DOCK2: variants seen among roughly 807,000 people sequenced by gnomAD.
DOCK2 encodes dedicator of cytokinesis protein 2.
Under a neutral mutation model 248.9 loss-of-function variants are expected in DOCK2, and 87 were observed. The observed-to-expected ratio is 0.35, with a 90% CI of 0.29 to 0.42. The LOEUF (loss-of-function observed/expected upper bound fraction) is 0.42. DOCK2 is among the 10% of genes least tolerant of loss of function. The probability of loss-of-function intolerance (pLI) is 1.00; values close to 1 mark genes in which losing one functional copy is unlikely to be tolerated. For synonymous variants in DOCK2, 805 were observed against 821.6 expected (o/e 0.98, Z 0.35); for missense variants, 1,747 against 2,300.2 (o/e 0.76, Z 4.92).
intron 27 of DOCK2, chr5:169,934,800 T>TA (rs1775913219): frequency 4.5e-6 from 2 of 444,876 alleles, no homozygotes; most frequent in Non-Finnish European, 9.1e-6. Flanking sequence ...GTTTCATTAT[T>TA]ATCTGTATGA....
chr5:170,013,258 G>A lies in DOCK2; in HGVS notation c.3232+4512G>A, dbSNP rs796331620. On this transcript the variant is annotated intron_variant, in intron 32 of 51. Coordinates refer to ENST00000520908, the MANE Select transcript of DOCK2 (RefSeq NM_004946.3). ...GGAAATGGGATTAGTGTGGCCATCC[G>A]TCCATTCATTTACTCATTCGTTTAC... is the stretch of plus-strand genomic sequence containing the variant. Among the ~76,000 whole-genome samples the A allele has an allele frequency of 2.2e-4, 34 of 152,128 alleles. 1 individual carries two copies. The highest frequency in any genetic ancestry group is 2.7e-4 in the African/African-American group (11 of 41,466).
chr5:170,071,014 A>C (rs902246305), intron 46 of DOCK2, among the ~76,000 whole-genome samples: 2 of 152,004 alleles, frequency 1.3e-5, no homozygotes, highest in Admixed American at 6.6e-5. Flanking sequence ...TCTCCTTAGC[A>C]CCACCCGCTG....
At chr5:169,964,338 G>T (rs558673253) in intron 27 of DOCK2, among the ~76,000 whole-genome samples, 41 of 152,302 alleles carry the variant, frequency 2.7e-4, no homozygotes, top group African/African-American at 9.9e-4. Flanking sequence ...CCCAAGCTCA[G>T]ACTATAAATT....
rs79229402 is a variant in DOCK2 at position 169,988,838 on chromosome 5, C to T, written c.2993+2916C>T. Reference sequence around the variant, plus strand: ...GTGAAATGACTCTCCAAGGTCATGCCACTAGTGAACAATTTCAACCCAATT... The same window carrying T: ...GTGAAATGACTCTCCAAGGTCATGCTACTAGTGAACAATTTCAACCCAATT... On this transcript the variant is annotated intron_variant, in intron 29 of 51. Transcript: ENST00000520908. Among the ~76,000 whole-genome samples, 1,030 of 152,258 alleles carry T rather than the reference C, an allele frequency of 6.8e-3. 10 individuals are homozygous for T. Among genetic ancestry groups the T allele is most frequent in the Middle Eastern group, 0.041 (12 of 294 alleles).
rs1480048698 is a variant in DOCK2 at position 169,763,488 on chromosome 5, A to G, written c.2554+1863A>G. 6.6e-6 allele frequency among the ~76,000 whole-genome samples: 1 copy of G among 152,244 alleles called. No homozygotes were observed. Among genetic ancestry groups the G allele is most frequent in the African/African-American group, 2.4e-5 (1 of 41,472 alleles). On this transcript the variant is annotated intron_variant, in intron 25 of 51. Transcript: ENST00000520908. This position sits in a 1 kb window ranked among gnomAD's most constrained non-coding sequence, Gnocchi z 4.1. Reference sequence around the variant, plus strand: ...AGGGGCCCGGCTTGGCATCAAGGCCAGATGGAGTGCTAGCACGGGCCTGGG... The same window carrying G: ...AGGGGCCCGGCTTGGCATCAAGGCCGGATGGAGTGCTAGCACGGGCCTGGG...
At chr5:169,765,609 A>G (rs537200804) in intron 25 of DOCK2, among the ~76,000 whole-genome samples, 1 of 152,378 alleles carries the variant, frequency 6.6e-6, no homozygotes, top group African/African-American at 2.4e-5. Flanking sequence ...CAGAGGCACC[A>G]TCTGGTTCAG....
chr5:169,652,656 G>A (rs1259410455), intron 1 of DOCK2, among the ~76,000 whole-genome samples: 1 of 152,212 alleles, frequency 6.6e-6, no homozygotes, highest in African/African-American at 2.4e-5. Context: ...GCAGAGCTGG[G>A]GTTCCTTCTG....
At chr5:169,670,669 A>G in intron 4 of DOCK2, 72 bp downstream of exon 4, 1 of 1,568,806 alleles carries the variant, frequency 6.4e-7, no homozygotes, top group Non-Finnish European at 8.7e-7. Context: ...TATTTTGAAA[A>G]TCTGACTTGG....
At chr5:169,872,061 A>G (rs1358145964) in intron 27 of DOCK2, among the ~76,000 whole-genome samples, 2 of 151,840 alleles carry the variant, frequency 1.3e-5, no homozygotes, top group African/African-American at 4.8e-5. Context: ...CATCAACTAC[A>G]CTCTAAGCAA....
At chr5:169,966,107 T>C (rs1777288005) in intron 27 of DOCK2, among the ~76,000 whole-genome samples, 1 of 152,242 alleles carries the variant, frequency 6.6e-6, no homozygotes, top group South Asian at 2.1e-4. Flanking sequence ...GAACATACTT[T>C]GAAGTTGTAA....
At chr5:169,814,238 G>A (rs1195808615) in intron 26 of DOCK2, among the ~76,000 whole-genome samples, 2 of 152,178 alleles carry the variant, frequency 1.3e-5, no homozygotes, top group Non-Finnish European at 2.9e-5. Flanking sequence ...CTGACGTCAT[G>A]TGCCTCCTGA....
chr5:170,079,266 G>C, intron 49 of DOCK2, 120 bp downstream of exon 49: 1 of 1,354,612 alleles, frequency 7.4e-7, no homozygotes, highest in Non-Finnish European at 1.0e-6. Flanking sequence ...CGGTGCTATG[G>C]GTATTGCAGA....
chr5:169,946,466 ATTGATCT>A (rs1274330700), intron 27 of DOCK2, among the ~76,000 whole-genome samples: 1 of 152,208 alleles, frequency 6.6e-6, no homozygotes, highest in Non-Finnish European at 1.5e-5. Flanking sequence ...TGTTTTGGAA[ATTGATCT>A]TTACCCCAGC....
chr5:169,998,529 C>T (rs952177155), intron 30 of DOCK2, among the ~76,000 whole-genome samples: 1 of 152,218 alleles, frequency 6.6e-6, no homozygotes, highest in Non-Finnish European at 1.5e-5. Flanking sequence ...ACGAGAAGCA[C>T]TTTAAGGGCA....
intron 27 of DOCK2, among the ~76,000 whole-genome samples, chr5:169,896,968 A>G (rs1158148027): frequency 6.6e-6 from 1 of 152,238 alleles, no homozygotes; most frequent in Non-Finnish European, 1.5e-5. Flanking sequence ...GCAGAAAGGG[A>G]ATATAGTAAG....
rs371945984 is a variant in DOCK2 at position 170,057,683 on chromosome 5, C to T, written c.4467+17C>T. ...ATGTCGCAGGTGAGTCTGGGACATT[C>T]GTGGCAGGGCCACCCTTCCTCCGAT... On this transcript the variant is annotated intron_variant, in intron 44 of 51. Transcript: ENST00000520908. 323 of 1,586,140 alleles carry T rather than the reference C, an allele frequency of 2.0e-4. No homozygotes were observed. Among genetic ancestry groups the T allele is most frequent in the Non-Finnish European group, 2.6e-4 (300 of 1,163,692 alleles).
chr5:169,782,068 A>G (rs1765743786), intron 25 of DOCK2, among the ~76,000 whole-genome samples: 3 of 152,088 alleles, frequency 2.0e-5, no homozygotes, highest in Non-Finnish European at 4.4e-5. Flanking sequence ...CTGTCTGTTC[A>G]AGGCCTGTGC....
intron 27 of DOCK2, among the ~76,000 whole-genome samples, chr5:169,951,589 T>C (rs1414748827): frequency 2.6e-5 from 4 of 152,188 alleles, no homozygotes; most frequent in Non-Finnish European, 5.9e-5. Flanking sequence ...ACCCATTCAT[T>C]CAACAGATAG....
At chr5:169,887,026 A>G (rs961644779) in intron 27 of DOCK2, among the ~76,000 whole-genome samples, 2 of 152,204 alleles carry the variant, frequency 1.3e-5, no homozygotes, top group African/African-American at 4.8e-5. Context: ...GAAGATGAAT[A>G]TATTTATACC....
Sources: allele counts gnomAD v4.1 joint callset (sites outside exome capture counted in the v4.1 genomes callset), GRCh38; gene constraint gnomAD v4.1.1; non-coding constraint Gnocchi (gnomAD v3.1); transcripts MANE v1.5; gene names NCBI Gene and HGNC (gene_info 2026-07-23, HGNC 2026-07-21).